The following ESR1 variants were observed in gnomAD, a reference collection of about 807,000 sequenced individuals.
ESR1 encodes the protein estrogen receptor.
A neutral mutation model predicts 52.7 loss-of-function variants in ESR1; 12 were observed. That is an observed-to-expected ratio of 0.23 (90% CI 0.15 to 0.37). The LOEUF is 0.37. Among genes scored for constraint, ESR1 ranks in the 10% least tolerant of loss-of-function variants. The pLI is 1.00. For synonymous variants in ESR1, 305 were observed against 316.8 expected (o/e 0.96, Z 0.39); for missense variants, 584 against 779.7 (o/e 0.75, Z 2.99).
chr6:151,844,179 CA>C (rs1484107272), intron 2 of ESR1, among the ~76,000 whole-genome samples: 2 of 151,236 alleles, frequency 1.3e-5, no homozygotes. Context: ...TATATATATG[CA>C]CACAGGCTAT....
intron 1 of ESR1, among the ~76,000 whole-genome samples, chr6:151,662,500 G>A (rs543193560): frequency 6.6e-6 from 1 of 152,212 alleles, no homozygotes; most frequent in Non-Finnish European, 1.5e-5. Context: ...AGCCAGGTTT[G>A]TCTGGGTCTT....
rs200240881 is a variant in ESR1, at chr6:152,122,553, G to A, written c.851-2713G>A. 6 of 1,614,210 alleles carry A rather than the reference G, an allele frequency of 3.7e-6. No homozygotes were observed. Among genetic ancestry groups the A allele is most frequent in the South Asian group, 1.1e-5 (1 of 91,088 alleles). On this transcript the variant is annotated intron_variant, in intron 6 of 6. Transcript: ENST00000427531. ...ACATTGGTACAAGGCAGGCAAGCCC[G>A]ATGAGGAGGAGCAGGAGAAGCTGAA... is the stretch of plus-strand genomic sequence containing the variant.
At chr6:152,104,529 A>G (rs1472160931), downstream of ESR1, among the ~76,000 whole-genome samples, 1 of 152,158 alleles carries the variant, frequency 6.6e-6, no homozygotes, top group Non-Finnish European at 1.5e-5. Flanking sequence ...TCACGTTATT[A>G]TCGTTTTGTA....
At chr6:151,771,034 A>C (rs1310616665) in intron 2 of ESR1, among the ~76,000 whole-genome samples, 1 of 152,234 alleles carries the variant, frequency 6.6e-6, no homozygotes, top group Non-Finnish European at 1.5e-5. Flanking sequence ...AGCATGGTGG[A>C]TTACAGTAGA....
chr6:151,990,243 A>AGTGT (rs368882682), intron 4 of ESR1, among the ~76,000 whole-genome samples: 28 of 150,744 alleles, frequency 1.9e-4, no homozygotes, highest in African/African-American at 5.8e-4. Flanking sequence ...TTGTGGAATG[A>AGTGT]GTGTGTGTGT....
In ESR1 at chr6:151,735,789, G is replaced by A. The variant is rs530638437; in HGVS notation, c.-71+33784G>A. Among the ~76,000 whole-genome samples, 58 of 152,198 alleles carry A rather than the reference G, an allele frequency of 3.8e-4. No individual in the cohort carries two copies. The South Asian group carries it at 8.9e-3, about 23-fold the overall frequency. ...TGTGTCCCCACTCAAGTCTTATCTC[G>A]AATTGTAATCCCCATAATCTCCACA... On this transcript the variant is annotated intron_variant, in intron 2 of 2. Coordinates refer to the ESR1 transcript ENST00000404742.
chr6:151,896,136 G>A (rs567489069), intron 3 of ESR1, among the ~76,000 whole-genome samples: 4 of 152,174 alleles, frequency 2.6e-5, no homozygotes, highest in Non-Finnish European at 5.9e-5. Flanking sequence ...ATATTGGCCT[G>A]TAGGTTTCTT....
chr6:151,923,543 G>A (rs974582149), intron 3 of ESR1, among the ~76,000 whole-genome samples: 3 of 151,970 alleles, frequency 2.0e-5, no homozygotes, highest in African/African-American at 7.3e-5. Context: ...TCTTTCTTTT[G>A]TCTCTTCTAG....
rs145432577 is a variant in ESR1 at position 151,930,061 on chromosome 6, G to A, written c.761-14112G>A. 8.7e-3 allele frequency among the ~76,000 whole-genome samples: 1,307 copies of A among 150,794 alleles called. 19 individuals are homozygous for A. The highest frequency in any genetic ancestry group is 0.028 in the African/African-American group (1,128 of 40,990). On this transcript the variant is annotated intron_variant, in intron 3 of 7. Transcript: ENST00000206249. ...TGCAATGGTGCGATCTTGGCTTACC[G>A]CAACCTCTGCCTCCTGGGTTCAAGC... is the stretch of plus-strand genomic sequence containing the variant.
chr6:151,938,349 C>A (rs2034623120), intron 3 of ESR1, among the ~76,000 whole-genome samples: 1 of 151,914 alleles, frequency 6.6e-6, no homozygotes, highest in African/African-American at 2.4e-5. Context: ...TTCTGAGATA[C>A]AATAGCCAAG....
chr6:151,849,654 A>T lies in ESR1; in HGVS notation c.643+6867A>T, dbSNP rs146963214. 8.2e-3 allele frequency among the ~76,000 whole-genome samples: 1,240 copies of T among 151,992 alleles called. 11 individuals are homozygous for T. Among genetic ancestry groups the T allele is most frequent in the African/African-American group, 0.026 (1,091 of 41,424 alleles). On this transcript the variant is annotated intron_variant, in intron 2 of 7. Coordinates refer to ENST00000206249, the MANE Select transcript of ESR1 (RefSeq NM_000125.4). ...GTGAGACTTCATCTCAAAAAAAAAAAAATAATAATGATAGATAAAAACTGC... is the reference window on the plus strand; with the variant it reads ...GTGAGACTTCATCTCAAAAAAAAAATAATAATAATGATAGATAAAAACTGC...
At chr6:151,842,570 A>G in intron 1 of ESR1, 27 bp from the exon 2 acceptor site, 1 of 1,605,858 alleles carries the variant, frequency 6.2e-7, no homozygotes, top group South Asian at 1.1e-5. Context: ...TCTAATGTTA[A>G]TGGATTTACT....
intron 1 of ESR1, among the ~76,000 whole-genome samples, chr6:151,822,264 T>C (rs1364672777): frequency 6.6e-6 from 1 of 152,216 alleles, no homozygotes; most frequent in African/African-American, 2.4e-5. Context: ...CAAAACAATT[T>C]GAGGTAGGTG....
At chr6:151,826,660 G>T (rs905136925) in intron 1 of ESR1, among the ~76,000 whole-genome samples, 3 of 152,152 alleles carry the variant, frequency 2.0e-5, no homozygotes, top group African/African-American at 7.2e-5. Context: ...TGTCTCCCGT[G>T]CTCTTACCTC....
At chr6:151,842,926 T>A in intron 2 of ESR1, 139 bp downstream of exon 2, 1 of 715,940 alleles carries the variant, frequency 1.4e-6, no homozygotes, top group South Asian at 1.7e-5. Flanking sequence ...GTATCTTTGG[T>A]AGAAACATGG....
intron 4 of ESR1, among the ~76,000 whole-genome samples, chr6:151,963,552 T>A (rs9371565): frequency 1.5e-3 from 226 of 152,360 alleles, no homozygotes; most frequent in East Asian, 0.012. Context: ...TTTGAATTGT[T>A]TGAATTCCTT....
At chr6:151,838,043 A>G (rs918788065) in intron 1 of ESR1, among the ~76,000 whole-genome samples, 1 of 152,204 alleles carries the variant, frequency 6.6e-6, no homozygotes. Context: ...TCTGTCTCCC[A>G]GGCTGGAATG....
At chr6:152,085,703 C>CA (rs767026514) in intron 6 of ESR1, among the ~76,000 whole-genome samples, 2,710 of 141,672 alleles carry the variant, frequency 0.019, 45 homozygotes, top group African/African-American at 0.046. Context: ...TCCCAGCTGA[C>CA]AAAAAAAAAA....
intron 2 of ESR1, among the ~76,000 whole-genome samples, chr6:151,759,245 AGCATG>A (rs1784488160): frequency 6.8e-6 from 1 of 147,206 alleles, no homozygotes; most frequent in Non-Finnish European, 1.5e-5. Context: ...ACTGCACTCC[AGCATG>A]GCGACTGGAC....
Sources: gnomAD v4.1 joint callset for allele counts (sites outside exome capture counted in the v4.1 genomes callset) on GRCh38, gnomAD v4.1.1 for gene constraint, MANE v1.5 for transcripts, NCBI Gene and HGNC (gene_info 2026-07-23, HGNC 2026-07-21) for gene names.